Variants in TOM1 observed in about 807,000 individuals in gnomAD.
The protein encoded by TOM1 is target of Myb protein 1.
TOM1 carries 38 observed loss-of-function variants against 61.3 expected under a neutral mutation model. The observed-to-expected ratio is 0.62, with a 90% confidence interval of 0.48 to 0.81. The LOEUF (loss-of-function observed/expected upper bound fraction) is 0.81. Ranked by LOEUF, TOM1 falls within the 40% of genes least tolerant of loss-of-function variation. TOM1 has a pLI of 0.00. For missense variants in TOM1, 591 were observed against 659.6 expected (o/e 0.90, Z 1.14); for synonymous variants, 270 against 268.8 (o/e 1.00, Z -0.04).
Position 35,309,878 on chromosome 22 carries a change from G to C in TOM1, c.53-7999G>C, listed in dbSNP as rs181178796. On this transcript the variant is annotated intron_variant, in intron 1 of 14. Transcript: ENST00000449058. ...ACCAAGAAAGCAAAACCTTCCCCAG[G>C]AGCCGCCCAAGAGACACCCGCTTCC... Among the ~76,000 whole-genome samples, 726 of 152,182 alleles carry C rather than the reference G, an allele frequency of 4.8e-3. 7 individuals carry two copies. The highest frequency in any genetic ancestry group is 6.1e-3 in the Non-Finnish European group (415 of 68,008).
intron 2 of TOM1, among the ~76,000 whole-genome samples, chr22:35,321,315 G>T (rs1298221629): frequency 6.6e-6 from 1 of 151,836 alleles, no homozygotes; most frequent in Non-Finnish European, 1.5e-5. Flanking sequence ...GGTTCAGGTG[G>T]TCTAGGGTGG....
intron 2 of TOM1, chr22:35,318,344 C>A: frequency 4.5e-6 from 1 of 223,852 alleles, no homozygotes; most frequent in Non-Finnish European, 8.8e-6. Context: ...GAGACTCCGG[C>A]TTTTCTGCGA....
chr22:35,319,104 G>A (rs1927553988), intron 2 of TOM1, among the ~76,000 whole-genome samples: 1 of 152,204 alleles, frequency 6.6e-6, no homozygotes, highest in African/African-American at 2.4e-5. Flanking sequence ...GAGGGTGAGG[G>A]AAGGAGTGGT....
rs752422737 is a variant in TOM1, at chr22:35,330,360, C to T, written c.779C>T (p.Thr260Met). 9.9e-6 allele frequency: 16 copies of T among 1,612,086 alleles called. 1 individual carries two copies. The South Asian group carries it at 1.1e-4, about 11-fold the overall frequency. ...CTTTCCTGGCAGGAGCTCAACCGCA[C>T]GTGCCGAGCCATGCAGCAGCGGGTC... ...DLELLQELNR[T>M]CRAMQQRVLE... Residue 260 changes from threonine (T) to methionine (M), a missense_variant, in exon 8 of 15, where the codon ACG (threonine) becomes ATG (methionine). Thr to Met is a moderately conservative substitution (Grantham distance 81). Transcript: ENST00000449058.
intron 7 of TOM1, 114 bp from the exon 8 acceptor site, chr22:35,330,233 G>A: frequency 9.1e-7 from 1 of 1,098,554 alleles, no homozygotes; most frequent in Non-Finnish European, 1.3e-6. Flanking sequence ...AGTGAGCCAA[G>A]ATCGCACCAC....
chr22:35,347,240 C>A lies in TOM1; in HGVS notation c.*31C>A, dbSNP rs201483194. The A allele has an allele frequency of 9.6e-6, 15 of 1,564,100 alleles. No individual in the cohort carries two copies. The South Asian group carries it at 1.6e-4, about 17-fold the overall frequency. On this transcript the variant is annotated 3_prime_UTR_variant, in exon 15 of 15. Transcript: ENST00000449058. ...GGGTCTGGCACCCTGCAGCCCAGGT[C>A]CCCACTGCTCTCACACCCTTAGGCT... is the stretch of plus-strand genomic sequence containing the variant.
chr22:35,343,163 ACAC>A (rs1459539489), intron 12 of TOM1, among the ~76,000 whole-genome samples: 14 of 117,072 alleles, frequency 1.2e-4, no homozygotes, highest in South Asian at 6.1e-4. Flanking sequence ...ACACCTCCAC[ACAC>A]CACACCTACA....
chr22:35,347,485 G>C lies in TOM1; in HGVS notation c.*276G>C, dbSNP rs879247363. ...ACTTTGCTGAGAAGTGGAGGCCCCA[G>C]GACAGGCTGGCTGGCTGGCTGGCTG... On this transcript the variant is annotated 3_prime_UTR_variant, in exon 15 of 15. Transcript: ENST00000449058. 1 of 344,744 alleles carries C rather than the reference G, an allele frequency of 2.9e-6. No homozygotes were observed. The highest frequency in any genetic ancestry group is 6.4e-5 in the South Asian group (1 of 15,546). 21.4% of individuals were successfully genotyped at this position (344,744 alleles called of 1,614,324 possible). A position where few individuals can be genotyped will look rare whatever the true frequency, so the allele number is the denominator to read the frequency against.
rs1458249485 is a variant in TOM1, at chr22:35,315,671, T to G, written c.53-2206T>G. The stretch of plus-strand genomic sequence containing the variant: ...GCATGTGTCCTGGGCCACCCTGGCA[T>G]CCGTCTGGCTCAGGACCTGAGGGTA... On this transcript the variant is annotated intron_variant, in intron 1 of 14. Coordinates refer to ENST00000449058, the MANE Select transcript of TOM1 (RefSeq NM_005488.3). 2.6e-5 allele frequency among the ~76,000 whole-genome samples: 4 copies of G among 152,310 alleles called. No individual in the cohort carries two copies. The South Asian group carries it at 8.3e-4, about 32-fold the overall frequency.
At chr22:35,343,866 C>A (rs530648097) in intron 12 of TOM1, among the ~76,000 whole-genome samples, 1 of 147,160 alleles carries the variant, frequency 6.8e-6, no homozygotes, top group Admixed American at 6.8e-5. Context: ...CTGCATATAC[C>A]ACCCCTACAC....
Position 35,338,800 on chromosome 22 carries a change from G to A in TOM1, c.1224+12G>A. On this transcript the variant is annotated intron_variant, in intron 12 of 14. Coordinates refer to ENST00000449058, the MANE Select transcript of TOM1 (RefSeq NM_005488.3). ...AGAGCACTGGCGCGGTAAGCAGAGG[G>A]GCCATCCTGCCACCCTGGGGCCCTC... is the stretch of plus-strand genomic sequence containing the variant. The A allele has an allele frequency of 5.7e-6, 9 of 1,569,514 alleles. No homozygotes were observed. Among genetic ancestry groups the A allele is most frequent in the Non-Finnish European group, 7.8e-6 (9 of 1,160,838 alleles).
chr22:35,311,396 A>G (rs1926805867), intron 1 of TOM1, among the ~76,000 whole-genome samples: 2 of 152,244 alleles, frequency 1.3e-5, no homozygotes, highest in Admixed American at 1.3e-4. Flanking sequence ...GAAGGTTGGC[A>G]GTTTCAGGGT....
At chr22:35,318,475 G>T (rs549692508) in intron 2 of TOM1, among the ~76,000 whole-genome samples, 2 of 152,366 alleles carry the variant, frequency 1.3e-5, no homozygotes, top group Admixed American at 1.3e-4. Flanking sequence ...CGTTTGCCGG[G>T]CGTTTCTGGT....
intron 1 of TOM1, 92 bp from the exon 2 acceptor site, chr22:35,317,785 C>A: frequency 2.2e-6 from 2 of 898,602 alleles, no homozygotes; most frequent in Admixed American, 1.8e-5. Flanking sequence ...CCCATCTCAT[C>A]CGGCCCTGCA....
intron 12 of TOM1, among the ~76,000 whole-genome samples, chr22:35,341,141 G>T (rs1014235954): frequency 6.6e-6 from 1 of 152,210 alleles, no homozygotes; most frequent in Admixed American, 6.5e-5. Context: ...TAAGCACTTT[G>T]CATCCCCTCT....
chr22:35,322,926 C>T (rs942436307), intron 3 of TOM1, 102 bp from the exon 4 acceptor site: 144 of 1,408,840 alleles, frequency 1.0e-4, no homozygotes, highest in Middle Eastern at 3.8e-4. Context: ...TCTCCTCTCC[C>T]GGGCCTCCTC....
intron 12 of TOM1, among the ~76,000 whole-genome samples, chr22:35,343,076 TAC>T (rs1445124724): frequency 4.9e-5 from 4 of 80,828 alleles, no homozygotes; most frequent in African/African-American, 1.5e-4. Flanking sequence ...CACACAGCCC[TAC>T]ACACACCACA....
chr22:35,314,674 G>C (rs971535658), intron 1 of TOM1, among the ~76,000 whole-genome samples: 1 of 152,144 alleles, frequency 6.6e-6, no homozygotes, highest in East Asian at 1.9e-4. Flanking sequence ...CCACTGAGAG[G>C]CCTGCCGGTG....
intron 10 of TOM1, among the ~76,000 whole-genome samples, chr22:35,334,005 T>C (rs1929062057): frequency 6.6e-6 from 1 of 152,206 alleles, no homozygotes; most frequent in African/African-American, 2.4e-5. Context: ...TCACTAATGC[T>C]ATACTTTTTG....
Sources: gnomAD v4.1 joint callset for allele counts (sites outside exome capture counted in the v4.1 genomes callset) on GRCh38, gnomAD v4.1.1 for gene constraint, MANE v1.5 for transcripts, NCBI Gene and HGNC (gene_info 2026-07-23, HGNC 2026-07-21) for gene names.